Variants in DNHD1 observed in about 807,000 individuals in gnomAD.
DNHD1 encodes the protein dynein heavy chain domain-containing protein 1.
A neutral mutation model predicts 458.1 loss-of-function variants in DNHD1; 383 were observed. The observed-to-expected ratio is 0.84, with a 90% confidence interval of 0.77 to 0.91. The LOEUF (loss-of-function observed/expected upper bound fraction) is 0.91, where lower values mean the gene tolerates loss of function less well. Ranked by LOEUF, DNHD1 falls within the 40% of genes least tolerant of loss-of-function variation. The probability of loss-of-function intolerance (pLI) is 0.00; values close to 1 mark genes in which losing one functional copy is unlikely to be tolerated. For synonymous variants in DNHD1, 2,203 were observed against 2,376.9 expected (o/e 0.93, Z 2.13); for missense variants, 5,336 against 5,866.1 (o/e 0.91, Z 2.95).
chr11:6,538,424 C>G lies in DNHD1; in HGVS notation c.3040C>G (p.Pro1014Ala), dbSNP rs1853012988. The change falls in exon 15 of 43, where the codon CCT (proline) becomes GCT (alanine). Residue 1014 changes from proline (P) to alanine (A), a missense_variant. This residue lies in a region of DNHD1 where 3,932 missense variants were observed against 4,365.6 expected (regional missense o/e 0.90). Coordinates refer to ENST00000254579, the MANE Select transcript of DNHD1 (RefSeq NM_144666.3). Reference protein sequence around the residue: ...PVPLPICGTRPIVQQQRIWHL... With the variant: ...PVPLPICGTRAIVQQQRIWHL... ...GCCCTTGCCAATCTGTGGGACACGTCCTATTGTGCAGCAGCAGCGCATATG... is the reference window on the plus strand; with the variant it reads ...GCCCTTGCCAATCTGTGGGACACGTGCTATTGTGCAGCAGCAGCGCATATG... The G allele has an allele frequency of 6.4e-7, 1 of 1,551,648 alleles. No homozygotes were observed. The highest frequency in any genetic ancestry group is 8.7e-7 in the Non-Finnish European group (1 of 1,147,014).
chr11:6,501,740 T>G (rs1182400527), intron 3 of DNHD1, among the ~76,000 whole-genome samples: 2 of 152,144 alleles, frequency 1.3e-5, no homozygotes, highest in African/African-American at 4.8e-5. Flanking sequence ...CACAGCTGAT[T>G]GGACACCAGG....
At chr11:6,542,657 C>T (rs975800117) in intron 18 of DNHD1, among the ~76,000 whole-genome samples, 7 of 152,182 alleles carry the variant, frequency 4.6e-5, no homozygotes, top group Admixed American at 2.0e-4. Flanking sequence ...CTGGTGACTT[C>T]GTTCACCCAA....
chr11:6,533,355 C>T (rs531961804), intron 13 of DNHD1, among the ~76,000 whole-genome samples, 171 bp downstream of exon 13: 1 of 152,336 alleles, frequency 6.6e-6, no homozygotes, highest in South Asian at 2.1e-4. Flanking sequence ...ATGTGGCCCT[C>T]AGGTTCCTCA....
chr11:6,555,296 T>C (rs191826274), intron 24 of DNHD1, among the ~76,000 whole-genome samples: 8 of 152,136 alleles, frequency 5.3e-5, no homozygotes, highest in African/African-American at 1.9e-4. Flanking sequence ...GGAGGACTGA[T>C]CTCCCGGCTC....
chr11:6,533,395 G>C (rs879890044), intron 13 of DNHD1, among the ~76,000 whole-genome samples: 8 of 152,226 alleles, frequency 5.3e-5, no homozygotes, highest in Non-Finnish European at 1.0e-4. Context: ...TGTGATGAGA[G>C]AGTTGTGCTC....
chr11:6,552,614 C>T lies in DNHD1; in HGVS notation c.7387+3681C>T, dbSNP rs549366715. Among the ~76,000 whole-genome samples the T allele has an allele frequency of 2.7e-5, 4 of 148,718 alleles. No individual in the cohort carries two copies. In the South Asian group the frequency reaches 6.4e-4, roughly 24 times the overall value. On this transcript the variant is annotated intron_variant, in intron 24 of 42. Coordinates refer to ENST00000254579, the MANE Select transcript of DNHD1 (RefSeq NM_144666.3). ...GGAAACTTAAAGTCGTGGCAAAAGG[C>T]GAAGGGGAGGCAAGGCACATCTTAC...
rs761642807 is a variant in DNHD1 at position 6,565,875 on chromosome 11, A to C, written c.10937A>C (p.Glu3646Ala). The C allele has an allele frequency of 6.4e-7, 1 of 1,551,686 alleles. No homozygotes were observed. Among genetic ancestry groups the C allele is most frequent in the South Asian group, 1.2e-5 (1 of 84,052 alleles). ...GAAGAGAAAGAGGAGGAGAAGACAGAGAGCCAGGGGTCAAAGCCAGCCTAT... is the reference window on the plus strand; with the variant it reads ...GAAGAGAAAGAGGAGGAGAAGACAGCGAGCCAGGGGTCAAAGCCAGCCTAT... ...ENEEKEEEKT[E>A]SQGSKPAYET... is the part of the protein sequence containing the mutation. The change falls in exon 33 of 43, where the codon GAG (glutamate) becomes GCG (alanine). Residue 3646 changes from glutamate (E) to alanine (A), a missense_variant. By Grantham distance (107) the Glu-to-Ala change is moderately radical. This residue lies in a region of DNHD1 where 695 missense variants were observed against 804.2 expected (regional missense o/e 0.86). Coordinates refer to ENST00000254579, the MANE Select transcript of DNHD1 (RefSeq NM_144666.3).
In DNHD1 at chr11:6,511,354, T is replaced by C; in HGVS notation, c.1317T>C (p.Ala439=). ...RCYELLDLQT[A]LAEEKHKALR... is the part of the protein sequence containing the mutation. ...ATGAGCTGCTGGACCTGCAGACGGCTCTAGCCGAGGAGAAGCATAAGGCTC... is the reference window on the plus strand; with the variant it reads ...ATGAGCTGCTGGACCTGCAGACGGCCCTAGCCGAGGAGAAGCATAAGGCTC... The change falls in exon 7 of 43, where the codon GCT becomes GCC. Residue 439 remains alanine, a synonymous_variant. Coordinates refer to ENST00000254579, the MANE Select transcript of DNHD1 (RefSeq NM_144666.3). The C allele has an allele frequency of 2.5e-6, 4 of 1,614,244 alleles. No individual in the cohort carries two copies. In the South Asian group the frequency reaches 4.4e-5, roughly 18 times the overall value.
chr11:6,520,160 TA>T (rs751105412), intron 9 of DNHD1, 58 bp downstream of exon 9: 18 of 1,612,606 alleles, frequency 1.1e-5, no homozygotes, highest in Non-Finnish European at 1.5e-5. Flanking sequence ...ATCCTCTGAG[TA>T]ATCAGAAGCT....
At chr11:6,514,756 A>G (rs1026267693) in intron 7 of DNHD1, among the ~76,000 whole-genome samples, 1 of 152,112 alleles carries the variant, frequency 6.6e-6, no homozygotes, top group African/African-American at 2.4e-5. Context: ...TTTGAGAGTC[A>G]ATTGAAGGCA....
chr11:6,544,999 G>A lies in DNHD1; in HGVS notation c.4060G>A (p.Ala1354Thr), dbSNP rs200542540. The A allele has an allele frequency of 1.5e-3, 2,282 of 1,551,742 alleles. 20 individuals are homozygous for A. Among genetic ancestry groups the A allele is most frequent in the Non-Finnish European group, 5.9e-4 (679 of 1,146,994 alleles). ...GGAGAGCGTGCTCTATGGGGTGTGT[G>A]CTCACTTCCCCCGCCTCTTCTTCCT... The part of the protein sequence containing the change: ...SLESVLYGVC[A>T]HFPRLFFLSD... The change falls in exon 21 of 43, where the codon GCT becomes ACT. Residue 1354 changes from alanine to threonine, a missense_variant. By Grantham distance (58) the Ala-to-Thr change is moderately conservative. Coordinates refer to ENST00000254579, the MANE Select transcript of DNHD1 (RefSeq NM_144666.3).
rs772006811 is a variant in DNHD1, at chr11:6,528,657, G to A, written c.1973G>A (p.Gly658Asp). 4 of 1,551,602 alleles carry A rather than the reference G, an allele frequency of 2.6e-6. No homozygotes were observed. The highest frequency in any genetic ancestry group is 3.9e-5 in the Admixed American group (2 of 50,990). Residue 658 changes from glycine (G) to aspartate (D), a missense_variant, in exon 11 of 43, where the codon GGT becomes GAT. By Grantham distance (94) the Gly-to-Asp change is moderately conservative. This residue lies in a region of DNHD1 where 3,932 missense variants were observed against 4,365.6 expected (regional missense o/e 0.90). Coordinates refer to ENST00000254579, the MANE Select transcript of DNHD1 (RefSeq NM_144666.3). ...VWPWKSHPIA[G>D]ILEVRGCRLR... is the part of the protein sequence containing the mutation. ...CCCTGGAAGTCTCACCCAATTGCTG[G>A]TATCTTGGAGGTCCGTGGATGTCGG... is the stretch of plus-strand genomic sequence containing the variant.
chr11:6,563,786 C>G lies in DNHD1; in HGVS notation c.9946C>G (p.Leu3316Val). ...GGCTCCAGGTATGGACGATGCAGCC[C>G]TGCGGGCAGTGAGCCGACCTGCAGC... Reference protein sequence around the residue: ...LKAPGMDDAALRAVSRPAASL... With the variant: ...LKAPGMDDAAVRAVSRPAASL... Residue 3316 changes from leucine to valine, a missense_variant, in exon 31 of 43, where the codon CTG becomes GTG. Coordinates refer to ENST00000254579, the MANE Select transcript of DNHD1 (RefSeq NM_144666.3). 1 of 1,551,676 alleles carries G rather than the reference C, an allele frequency of 6.4e-7. No homozygotes were observed. The highest frequency in any genetic ancestry group is 8.7e-7 in the Non-Finnish European group (1 of 1,147,006).
Position 6,566,727 on chromosome 11 carries a change from A to G in DNHD1, c.11347A>G (p.Arg3783Gly), listed in dbSNP as rs1243562566. 1.2e-6 allele frequency: 2 copies of G among 1,611,794 alleles called. No individual in the cohort carries two copies. The highest frequency in any genetic ancestry group is 1.7e-6 in the Non-Finnish European group (2 of 1,178,890). The change falls in exon 35 of 43, where the codon AGA (arginine) becomes GGA (glycine). Residue 3783 changes from arginine to glycine, a missense_variant. By Grantham distance (125) the Arg-to-Gly change is moderately radical. This residue lies in a region of DNHD1 where 695 missense variants were observed against 804.2 expected (regional missense o/e 0.86). Coordinates refer to ENST00000254579, the MANE Select transcript of DNHD1 (RefSeq NM_144666.3). ...LETRWQDLKI[R>G]ALDTCKAVEA... ...GACCCGCTGGCAGGACCTAAAGATC[A>G]GAGCCCTAGATACCTGCAAGGCTGT... is the stretch of plus-strand genomic sequence containing the variant.
rs1343369713 is a variant in DNHD1, at chr11:6,545,497, C to T, written c.4558C>T (p.Arg1520Trp). ...GCTGGTGGCAGAGGAGGTGGTATGG[C>T]GGGCCGAGATGGAGGAGGCTCTGCT... ...CVLVAEEVVW[R>W]AEMEEALLEW... The change falls in exon 21 of 43, where the codon CGG becomes TGG. Residue 1520 changes from arginine to tryptophan, a missense_variant. Transcript: ENST00000254579. The surrounding 1 kb of genome is among the most constrained non-coding windows in gnomAD (Gnocchi z 4.9). The T allele has an allele frequency of 1.3e-5, 20 of 1,551,666 alleles. No homozygotes were observed. Among genetic ancestry groups the T allele is most frequent in the Admixed American group, 3.9e-5 (2 of 51,012 alleles).
intron 10 of DNHD1, chr11:6,520,527 A>G: frequency 2.2e-6 from 3 of 1,377,176 alleles, no homozygotes; most frequent in South Asian, 1.7e-5. Context: ...GGTGTATGAA[A>G]GAGTGTGAGT....
Position 6,539,903 on chromosome 11 carries a change from C to G in DNHD1, c.3448C>G (p.His1150Asp), listed in dbSNP as rs1853057703. 6.4e-7 allele frequency: 1 copy of G among 1,551,748 alleles called. No homozygotes were observed. The highest frequency in any genetic ancestry group is 8.7e-7 in the Non-Finnish European group (1 of 1,146,996). Residue 1150 changes from histidine (H) to aspartate (D), a missense_variant, in exon 18 of 43, where the codon CAT becomes GAT. His to Asp is a moderately conservative substitution (Grantham distance 81, BLOSUM62 -1). Transcript: ENST00000254579. Reference protein sequence around the residue: ...QVWQNENERIHAQETIRRLQR... With the variant: ...QVWQNENERIDAQETIRRLQR... ...CTGGCAGAATGAAAATGAACGAATT[C>G]ATGCCCAAGAGACTATACGGCGGTT...
Position 6,557,350 on chromosome 11 carries a change from G to T in DNHD1, c.8055G>T (p.Gly2685=). 1 of 1,551,442 alleles carries T rather than the reference G, an allele frequency of 6.4e-7. No homozygotes were observed. The highest frequency in any genetic ancestry group is 8.7e-7 in the Non-Finnish European group (1 of 1,147,050). Residue 2685 remains glycine (G), a synonymous_variant, in exon 25 of 43, where the codon GGG becomes GGT. Coordinates refer to ENST00000254579, the MANE Select transcript of DNHD1 (RefSeq NM_144666.3). ...AAAGTGTCTTCTGCTGTGGGCCAGG[G>T]CCCCAGCACCTGGGCAAGGACCATC... ...VAQSVFCCGP[G]PQHLGKDHQE...
At chr11:6,528,444 C>G in intron 10 of DNHD1, 78 bp from the exon 11 acceptor site, 1 of 1,444,242 alleles carries the variant, frequency 6.9e-7, no homozygotes, top group South Asian at 1.4e-5. Context: ...TGTACACACA[C>G]TGAGGGCAAG....
Sources: gnomAD v4.1 joint callset for allele counts (sites outside exome capture counted in the v4.1 genomes callset) on GRCh38, gnomAD v4.1.1 for gene constraint, gnomAD v4.1.1 regional missense constraint, Gnocchi (gnomAD v3.1) non-coding constraint, MANE v1.5 for transcripts, NCBI Gene and HGNC (gene_info 2026-07-23, HGNC 2026-07-21) for gene names.